Variants in RLN2 observed in about 807,000 individuals in gnomAD.
RLN2 encodes the protein prorelaxin H2.
Under a neutral mutation model 7.3 loss-of-function variants are expected in RLN2, and 10 were observed. That is an observed-to-expected ratio of 1.36 (90% CI 0.84 to 2.31). The LOEUF (loss-of-function observed/expected upper bound fraction) is 2.31, where lower values mean the gene tolerates loss of function less well. Ranked by LOEUF, RLN2 falls within the 30% of genes most tolerant of loss-of-function variation. RLN2 has a pLI of 0.00. For missense variants in RLN2, 298 were observed against 217.6 expected, an observed-to-expected ratio of 1.37 and a Z score of -2.32; for synonymous variants, 103 against 82.3, an observed-to-expected ratio of 1.25 and a Z score of -1.36.
chr9:5,319,152 C>A, the RLN2 span, among the ~76,000 whole-genome samples: 1 of 151,976 alleles, frequency 6.6e-6, no homozygotes, highest in Admixed American at 6.6e-5. Context: ...GAACTATAAA[C>A]ACGTTCACTG....
chr9:5,308,733 T>G (rs934404860), upstream of RLN2, among the ~76,000 whole-genome samples: 5 of 152,138 alleles, frequency 3.3e-5, no homozygotes, highest in Admixed American at 3.3e-4. Context: ...TCACATGGCC[T>G]GACCACAAGT....
the RLN2 span, among the ~76,000 whole-genome samples, chr9:5,332,381 A>G: frequency 3.9e-5 from 6 of 152,080 alleles, no homozygotes; most frequent in Non-Finnish European, 5.9e-5. Flanking sequence ...AATTGAATAA[A>G]GAAATTTATA....
the RLN2 span, among the ~76,000 whole-genome samples, chr9:5,310,854 A>C: frequency 6.6e-6 from 1 of 152,122 alleles, no homozygotes; most frequent in African/African-American, 2.4e-5. Context: ...AATCTAATAC[A>C]TTGTTTCAAC....
chr9:5,315,421 G>A, the RLN2 span, among the ~76,000 whole-genome samples: 1,122 of 150,730 alleles, frequency 7.4e-3, 24 homozygotes, highest in African/African-American at 0.026. Context: ...AAAAAAAAAC[G>A]AAAAGTGTGA....
chr9:5,329,705 G>C, the RLN2 span, among the ~76,000 whole-genome samples: 7 of 151,852 alleles, frequency 4.6e-5, no homozygotes, highest in Non-Finnish European at 1.0e-4. Context: ...ACCAAGAAGA[G>C]CTCACTATCC....
chr9:5,320,777 G>T, the RLN2 span, among the ~76,000 whole-genome samples: 1 of 152,046 alleles, frequency 6.6e-6, no homozygotes, highest in Non-Finnish European at 1.5e-5. Flanking sequence ...ACTAAATAAA[G>T]ACTTTTTGAA....
At chr9:5,300,676 T>C (rs1816101676) in intron 1 of RLN2, among the ~76,000 whole-genome samples, 1 of 152,180 alleles carries the variant, frequency 6.6e-6, no homozygotes, top group Admixed American at 6.5e-5. Flanking sequence ...TCCTCTCTCG[T>C]CTCTCTTCAT....
the RLN2 span, among the ~76,000 whole-genome samples, chr9:5,320,041 G>A: frequency 1.5e-4 from 23 of 150,614 alleles, 1 homozygote; most frequent in African/African-American, 5.4e-4. Context: ...ACCAGAGTGA[G>A]GTGGCACAAT....
the RLN2 span, among the ~76,000 whole-genome samples, chr9:5,313,602 A>T: frequency 6.6e-6 from 1 of 152,036 alleles, no homozygotes; most frequent in Non-Finnish European, 1.5e-5. Flanking sequence ...GTACATTGTG[A>T]CAATTTGATA....
the RLN2 span, among the ~76,000 whole-genome samples, chr9:5,329,605 C>T: frequency 6.7e-6 from 1 of 149,046 alleles, no homozygotes; most frequent in Admixed American, 6.7e-5. Context: ...GCAGGAGTTG[C>T]AATCCTAGTC....
chr9:5,335,348 T>C, the RLN2 span: 1 of 1,613,542 alleles, frequency 6.2e-7, no homozygotes, highest in Admixed American at 1.7e-5. Flanking sequence ...AGAATGAGTA[T>C]CCAAGCCTAA....
chr9:5,309,293 A>G (rs932272473), upstream of RLN2, among the ~76,000 whole-genome samples: 7 of 152,060 alleles, frequency 4.6e-5, no homozygotes, highest in Non-Finnish European at 1.0e-4. Context: ...CTCAGCGTTG[A>G]TAGAAAATTA....
the RLN2 span, among the ~76,000 whole-genome samples, chr9:5,333,434 A>C: frequency 1.3e-5 from 2 of 152,058 alleles, no homozygotes; most frequent in Non-Finnish European, 2.9e-5. Flanking sequence ...AGAAATGGGT[A>C]CATTCCTGGA....
chr9:5,308,359 A>T (rs560507055), upstream of RLN2, among the ~76,000 whole-genome samples: 1 of 152,166 alleles, frequency 6.6e-6, no homozygotes, highest in African/African-American at 2.4e-5. Context: ...GTATGGAAAG[A>T]AAGTTCAGAA....
At chr9:5,325,373 A>T in the RLN2 span, among the ~76,000 whole-genome samples, 7 of 152,088 alleles carry the variant, frequency 4.6e-5, no homozygotes, top group Non-Finnish European at 1.0e-4. Flanking sequence ...GCTTTTCTAG[A>T]AAACTGCATT....
chr9:5,322,783 A>ATGGG, the RLN2 span, among the ~76,000 whole-genome samples: 4 of 152,008 alleles, frequency 2.6e-5, no homozygotes, highest in Non-Finnish European at 5.9e-5. Flanking sequence ...AAATTATATC[A>ATGGG]TGTTTAAAGA....
At chr9:5,325,399 A>C in the RLN2 span, among the ~76,000 whole-genome samples, 1 of 152,212 alleles carries the variant, frequency 6.6e-6, no homozygotes, top group East Asian at 1.9e-4. Flanking sequence ...GTTCACATTA[A>C]AACTTTGTCT....
chr9:5,320,289 C>T, the RLN2 span, among the ~76,000 whole-genome samples: 1 of 151,596 alleles, frequency 6.6e-6, no homozygotes, highest in Admixed American at 6.6e-5. Flanking sequence ...CCCGGCAAAC[C>T]TAACACTTTT....
intron 1 of RLN2, among the ~76,000 whole-genome samples, chr9:5,301,754 C>T (rs561257088): frequency 2.0e-5 from 3 of 152,248 alleles, no homozygotes; most frequent in Non-Finnish European, 4.4e-5. Flanking sequence ...CTGATCATTT[C>T]CTGAGTTTTC....
Sources: allele counts gnomAD v4.1 joint callset (sites outside exome capture counted in the v4.1 genomes callset), GRCh38; gene constraint gnomAD v4.1.1; transcripts MANE v1.5; gene names NCBI Gene and HGNC (gene_info 2026-07-23, HGNC 2026-07-21).